The following GSK3B variants were observed in gnomAD, a reference collection of about 807,000 sequenced individuals.
GSK3B encodes glycogen synthase kinase 3 beta, also known as glycogen synthase kinase-3 beta.
GSK3B carries 15 observed loss-of-function variants against 56.4 expected under a neutral mutation model. The observed-to-expected ratio is 0.27, with a 90% CI of 0.18 to 0.41. GSK3B has a LOEUF of 0.41. GSK3B is among the 10% of genes least tolerant of loss of function. The pLI is 1.00. For missense variants in GSK3B, 300 were observed against 513.4 expected, an observed-to-expected ratio of 0.58 and a Z score of 4.02; for synonymous variants, 181 against 188.9, an observed-to-expected ratio of 0.96 and a Z score of 0.34.
At chr3:119,862,070 A>C (rs1277232368) in intron 9 of GSK3B, among the ~76,000 whole-genome samples, 2 of 151,966 alleles carry the variant, frequency 1.3e-5, no homozygotes, top group Non-Finnish European at 2.9e-5. Context: ...AGATTTTAAA[A>C]TACCAAAATA....
chr3:119,876,055 G>A (rs1167921093), intron 8 of GSK3B, among the ~76,000 whole-genome samples: 1 of 152,126 alleles, frequency 6.6e-6, no homozygotes, highest in Non-Finnish European at 1.5e-5. Context: ...TGTTTGAAAT[G>A]TATGATATGC....
intron 8 of GSK3B, among the ~76,000 whole-genome samples, chr3:119,873,641 G>A (rs2056274275): frequency 6.6e-6 from 1 of 151,768 alleles, no homozygotes; most frequent in African/African-American, 2.4e-5. Context: ...TTCCCTCTAG[G>A]AATTTTAAGT....
intron 6 of GSK3B, among the ~76,000 whole-genome samples, chr3:119,910,955 A>T (rs1056994461): frequency 6.6e-6 from 1 of 152,176 alleles, no homozygotes; most frequent in Non-Finnish European, 1.5e-5. Context: ...CTCCACTTCT[A>T]ATTCTAGTTC....
chr3:120,087,071 T>C (rs1341112428), intron 1 of GSK3B, among the ~76,000 whole-genome samples: 4 of 152,208 alleles, frequency 2.6e-5, no homozygotes, highest in Non-Finnish European at 5.9e-5. Context: ...GCCTGAAAAC[T>C]AACCTATGAG....
chr3:119,909,250 A>G (rs2056713279), intron 6 of GSK3B, among the ~76,000 whole-genome samples: 1 of 152,118 alleles, frequency 6.6e-6, no homozygotes, highest in Non-Finnish European at 1.5e-5. Flanking sequence ...AGTTCAAGTG[A>G]TCTGCCCACC....
chr3:119,926,580 T>A (rs2056891330), intron 3 of GSK3B, among the ~76,000 whole-genome samples: 1 of 152,222 alleles, frequency 6.6e-6, no homozygotes, highest in Admixed American at 6.5e-5. Flanking sequence ...CAAGTTAGAC[T>A]GTATCTCTTC....
intron 2 of GSK3B, among the ~76,000 whole-genome samples, chr3:119,950,344 A>T (rs781153664): frequency 3.9e-5 from 6 of 152,228 alleles, no homozygotes; most frequent in Non-Finnish European, 8.8e-5. Flanking sequence ...TTAAGATATG[A>T]ACATCAACCT....
chr3:119,951,634 T>C (rs2057158288), intron 2 of GSK3B, among the ~76,000 whole-genome samples: 2 of 151,982 alleles, frequency 1.3e-5, no homozygotes, highest in Non-Finnish European at 2.9e-5. Flanking sequence ...GAAAAAAACA[T>C]TGTGAGACAT....
At chr3:120,030,440 C>T (rs2057965843) in intron 1 of GSK3B, among the ~76,000 whole-genome samples, 1 of 152,130 alleles carries the variant, frequency 6.6e-6, no homozygotes, top group Admixed American at 6.6e-5. Context: ...TGTCTCATTC[C>T]CCTGATTAAA....
chr3:120,058,761 G>T (rs1290643511), intron 1 of GSK3B, among the ~76,000 whole-genome samples: 1 of 152,112 alleles, frequency 6.6e-6, no homozygotes, highest in Non-Finnish European at 1.5e-5. Flanking sequence ...TGTAATCCCA[G>T]CACTTTGGGA....
In GSK3B at chr3:119,822,989, C is replaced by A. The variant is rs1441564493; in HGVS notation, c.*3799G>T. On this transcript the variant is annotated 3_prime_UTR_variant, in exon 11 of 11. Transcript: ENST00000264235. ...CTTTGCATTGGTGCAGACAAGATGA[C>A]TGGTTAGGCATACATTGTTAAAACA... is the stretch of plus-strand genomic sequence containing the variant. The A allele has an allele frequency of 1.7e-5, 4 of 229,800 alleles. No individual in the cohort carries two copies. The highest frequency in any genetic ancestry group is 3.5e-5 in the Non-Finnish European group (4 of 115,928). The allele number at this position is 229,800 out of a possible 1,614,324, so 14.2% of individuals were successfully genotyped here.
intron 2 of GSK3B, among the ~76,000 whole-genome samples, chr3:119,986,158 T>C (rs889888971): frequency 6.6e-6 from 1 of 152,184 alleles, no homozygotes; most frequent in Non-Finnish European, 1.5e-5. Flanking sequence ...CTGGACCCCT[T>C]CCTTACACCT....
chr3:119,883,912 G>T (rs1162112151), intron 7 of GSK3B, among the ~76,000 whole-genome samples: 1 of 150,348 alleles, frequency 6.7e-6, no homozygotes, highest in African/African-American at 2.5e-5. Flanking sequence ...TTTGAGACCA[G>T]ACATTCAGGA....
chr3:119,841,321 T>C (rs1322218620), intron 10 of GSK3B, among the ~76,000 whole-genome samples: 4 of 152,220 alleles, frequency 2.6e-5, no homozygotes, highest in Non-Finnish European at 5.9e-5. Flanking sequence ...GTCACAATCA[T>C]TAATTAGTTC....
At chr3:119,905,965 A>G (rs745791415) in intron 6 of GSK3B, 113 bp from the exon 7 acceptor site, 38 of 694,276 alleles carry the variant, frequency 5.5e-5, no homozygotes, top group Non-Finnish European at 8.0e-5. Context: ...ACAGGAAAAG[A>G]TTATACAATC....
chr3:120,029,621 T>C, intron 1 of GSK3B: 1 of 561,644 alleles, frequency 1.8e-6, no homozygotes. Flanking sequence ...GGCTTGCCAT[T>C]ATTTCCCTTC....
intron 1 of GSK3B, among the ~76,000 whole-genome samples, chr3:120,022,211 C>T (rs902020195): frequency 6.6e-6 from 1 of 152,238 alleles, no homozygotes; most frequent in African/African-American, 2.4e-5. Flanking sequence ...GCCATCAACA[C>T]TGAGCAGCAA....
rs185523982 is a variant in GSK3B at position 119,927,493 on chromosome 3, A to G, written c.367-4010T>C. 1.7e-3 allele frequency among the ~76,000 whole-genome samples: 259 copies of G among 152,282 alleles called. 2 individuals are homozygous for G. The highest frequency in any genetic ancestry group is 2.8e-3 in the Non-Finnish European group (192 of 68,022). On this transcript the variant is annotated intron_variant, in intron 3 of 10. Transcript: ENST00000264235. The stretch of plus-strand genomic sequence containing the variant: ...AGACTAATAGAGAATCCAAGAAACA[A>G]AGAGATTGGGATTAATTTAACTGTC...
At chr3:119,971,822 G>A (rs1050943572) in intron 2 of GSK3B, among the ~76,000 whole-genome samples, 8 of 150,816 alleles carry the variant, frequency 5.3e-5, no homozygotes, top group African/African-American at 1.5e-4. Flanking sequence ...CGTTTTAGCC[G>A]GGATGGTCTC....
Sources: gnomAD v4.1 joint callset for allele counts (sites outside exome capture counted in the v4.1 genomes callset) on GRCh38, gnomAD v4.1.1 for gene constraint, MANE v1.5 for transcripts, NCBI Gene and HGNC (gene_info 2026-07-23, HGNC 2026-07-21) for gene names.